The following MAGI2 variants were observed in gnomAD, a reference collection of about 807,000 sequenced individuals.
MAGI2 encodes the protein membrane associated guanylate kinase, WW and PDZ domain containing 2.
In MAGI2, 35 loss-of-function variants were observed where a neutral mutation model predicts 133.3. The observed-to-expected ratio is 0.26, with a 90% CI of 0.20 to 0.35. MAGI2 has a LOEUF of 0.35. Among genes scored for constraint, MAGI2 ranks in the 10% least tolerant of loss-of-function variants. MAGI2 has a pLI of 1.00. For synonymous variants in MAGI2, 729 were observed against 710.6 expected (o/e 1.03, Z -0.41); for missense variants, 1,636 against 1,863.4 (o/e 0.88, Z 2.25).
At chr7:78,321,007 C>T (rs1022805691) in intron 9 of MAGI2, among the ~76,000 whole-genome samples, 9 of 152,166 alleles carry the variant, frequency 5.9e-5, no homozygotes, top group Non-Finnish European at 1.0e-4. Flanking sequence ...CATGAGTGAA[C>T]TCCCATTCAC....
At chr7:78,581,972 C>T (rs1390619136) in intron 3 of MAGI2, among the ~76,000 whole-genome samples, 4 of 152,146 alleles carry the variant, frequency 2.6e-5, no homozygotes, top group Non-Finnish European at 4.4e-5. Flanking sequence ...GCACCTCTTA[C>T]ATGAGAATCT....
intron 1 of MAGI2, among the ~76,000 whole-genome samples, chr7:79,228,296 T>C (rs1013279850): frequency 2.3e-5 from 3 of 133,002 alleles, no homozygotes; most frequent in Middle Eastern, 4.8e-3. Flanking sequence ...TGAACTATGA[T>C]AACACCACTG....
intron 2 of MAGI2, among the ~76,000 whole-genome samples, chr7:78,696,855 A>G (rs1280336909): frequency 6.6e-6 from 1 of 152,182 alleles, no homozygotes; most frequent in Non-Finnish European, 1.5e-5. Flanking sequence ...ATCGAACTAG[A>G]GAGGTTGCTT....
intron 18 of MAGI2, among the ~76,000 whole-genome samples, chr7:78,132,581 C>G (rs1283451209): frequency 6.6e-6 from 1 of 152,230 alleles, no homozygotes; most frequent in African/African-American, 2.4e-5. Context: ...TGCCAGGGGG[C>G]CTCTGAGTAA....
chr7:78,236,169 T>A (rs1287590424), intron 10 of MAGI2, among the ~76,000 whole-genome samples: 1 of 152,084 alleles, frequency 6.6e-6, no homozygotes, highest in African/African-American at 2.4e-5. Flanking sequence ...CAAGAACTTA[T>A]CTTGTTAACT....
chr7:78,883,138 A>G (rs1796002766), intron 2 of MAGI2, among the ~76,000 whole-genome samples: 3 of 152,160 alleles, frequency 2.0e-5, no homozygotes. Flanking sequence ...GAGTTGATAA[A>G]TGACTTTAGT....
At chr7:79,250,462 T>A (rs1425730059) in intron 1 of MAGI2, among the ~76,000 whole-genome samples, 1 of 150,874 alleles carries the variant, frequency 6.6e-6, no homozygotes, top group African/African-American at 2.4e-5. Flanking sequence ...AAGCGAACAA[T>A]CTGAGAAAGA....
intron 2 of MAGI2, among the ~76,000 whole-genome samples, chr7:78,970,558 C>G (rs982095755): frequency 1.3e-5 from 2 of 151,550 alleles, no homozygotes; most frequent in African/African-American, 4.9e-5. Flanking sequence ...ATTATGGAAA[C>G]TACATTTTTT....
chr7:78,437,002 G>A (rs1019233079), intron 6 of MAGI2, among the ~76,000 whole-genome samples: 11 of 152,280 alleles, frequency 7.2e-5, no homozygotes, highest in African/African-American at 2.4e-4. Context: ...TATACCAAAC[G>A]CAGAGTAGAG....
At position 78,047,132 on chromosome 7, in the gene MAGI2, C is replaced by T. The variant is rs147875044; in HGVS notation, c.3707-27156G>A. ...CACTTCTTAGAGAACCACAGGATGA[C>T]GATGGGGGTTCTGTGCTCTCTGTGC... On this transcript the variant is annotated intron_variant, in intron 21 of 21. Coordinates refer to ENST00000354212, the MANE Select transcript of MAGI2 (RefSeq NM_012301.4). Among the ~76,000 whole-genome samples the T allele has an allele frequency of 5.3e-5, 8 of 152,222 alleles. No homozygotes were observed. The East Asian group carries it at 7.7e-4, about 15-fold the overall frequency.
At chr7:78,432,652 TAAAC>T (rs1353331310) in intron 6 of MAGI2, among the ~76,000 whole-genome samples, 1 of 152,058 alleles carries the variant, frequency 6.6e-6, no homozygotes, top group African/African-American at 2.4e-5. Context: ...CCTCAAATGA[TAAAC>T]AGAGTTAATG....
chr7:79,364,893 A>T (rs1026785874), intron 1 of MAGI2, among the ~76,000 whole-genome samples: 1 of 145,536 alleles, frequency 6.9e-6, no homozygotes, highest in African/African-American at 2.7e-5. Context: ...AAAATTAATT[A>T]GACCTCATCA....
Position 78,019,939 on chromosome 7 carries a change from G to A in MAGI2, c.3744C>T (p.Ala1248=). ...AGACGCCTACTTCCGGCAGACCTGG[G>A]GCGGCGGCAGCGGGAGAACTCCAGG... ...PAPWSSPAAA[A]PGLPEVGVSL... is the part of the protein sequence containing the mutation. The change falls in exon 22 of 22, where the codon GCC becomes GCT. Residue 1248 remains alanine, a synonymous_variant. Coordinates refer to ENST00000354212, the MANE Select transcript of MAGI2 (RefSeq NM_012301.4). 6.2e-7 allele frequency: 1 copy of A among 1,609,134 alleles called. No individual in the cohort carries two copies. Among genetic ancestry groups the A allele is most frequent in the South Asian group, 1.1e-5 (1 of 90,168 alleles).
At chr7:79,172,558 T>C (rs1327210661) in intron 1 of MAGI2, among the ~76,000 whole-genome samples, 1 of 152,060 alleles carries the variant, frequency 6.6e-6, no homozygotes, top group Non-Finnish European at 1.5e-5. Flanking sequence ...AAATTAGAAA[T>C]GCCATATGAG....
chr7:79,447,433 A>C (rs545608283), intron 1 of MAGI2, among the ~76,000 whole-genome samples: 1 of 152,270 alleles, frequency 6.6e-6, no homozygotes, highest in African/African-American at 2.4e-5. Flanking sequence ...TAGCCAGATT[A>C]TAGCTAGGAG....
At chr7:78,593,468 G>T (rs1714165806) in intron 3 of MAGI2, among the ~76,000 whole-genome samples, 1 of 152,206 alleles carries the variant, frequency 6.6e-6, no homozygotes, top group Non-Finnish European at 1.5e-5. Context: ...TGACACATGG[G>T]TCTGGTGGCA....
chr7:78,928,932 A>G (rs996428352), intron 2 of MAGI2, among the ~76,000 whole-genome samples: 18 of 152,198 alleles, frequency 1.2e-4, no homozygotes, highest in African/African-American at 4.1e-4. Flanking sequence ...TTTGATCTAC[A>G]ATGAAATTAA....
At chr7:78,313,182 G>A (rs959375606) in intron 9 of MAGI2, among the ~76,000 whole-genome samples, 1 of 151,976 alleles carries the variant, frequency 6.6e-6, no homozygotes, top group Non-Finnish European at 1.5e-5. Context: ...GTAGATAATA[G>A]AGACTCAGAA....
intron 1 of MAGI2, among the ~76,000 whole-genome samples, chr7:79,056,765 C>A (rs1265451878): frequency 1.3e-5 from 2 of 152,140 alleles, no homozygotes; most frequent in Admixed American, 6.5e-5. Context: ...TCACAGTATT[C>A]ATTAGTGTTT....
Sources: allele counts gnomAD v4.1 joint callset (sites outside exome capture counted in the v4.1 genomes callset), GRCh38; gene constraint gnomAD v4.1.1; transcripts MANE v1.5; gene names NCBI Gene and HGNC (gene_info 2026-07-23, HGNC 2026-07-21).